LRP5: variants seen among roughly 807,000 people sequenced by gnomAD.
LRP5 encodes low-density lipoprotein receptor-related protein 5.
A neutral mutation model predicts 154.1 loss-of-function variants in LRP5; 62 were observed. The observed-to-expected ratio is 0.40, with a 90% CI of 0.33 to 0.50. The LOEUF is 0.50. LRP5 is among the 20% of genes least tolerant of loss of function. LRP5 has a pLI of 0.55. For synonymous variants in LRP5, 966 were observed against 1,011.5 expected (o/e 0.96, Z 0.85); for missense variants, 1,915 against 2,336.7 (o/e 0.82, Z 3.72).
chr11:68,394,950 G>A (rs545775397), intron 7 of LRP5, among the ~76,000 whole-genome samples: 1 of 152,316 alleles, frequency 6.6e-6, no homozygotes, highest in South Asian at 2.1e-4. Context: ...AAATGGGCCA[G>A]GGAGAGACAC....
At chr11:68,445,571 A>G in intron 21 of LRP5, 1 of 1,312,252 alleles carries the variant, frequency 7.6e-7, no homozygotes, top group Middle Eastern at 2.1e-4. Flanking sequence ...ATTATTCCGC[A>G]GGGGCTCGGA....
intron 17 of LRP5, among the ~76,000 whole-genome samples, chr11:68,431,651 C>T (rs1246063809): frequency 2.6e-5 from 4 of 152,196 alleles, no homozygotes; most frequent in Non-Finnish European, 4.4e-5. Context: ...TGGCCGTAAG[C>T]AGAGGGGACA....
rs371538397 is a variant in LRP5 at position 68,366,299 on chromosome 11, C to T, written c.1015+597C>T. ...GGGGGACAGGGCCTGCTTCCTGTGC[C>T]GGTGTCCCACTCGGGAGGGCAGGGG... On this transcript the variant is annotated intron_variant, in intron 5 of 22. Transcript: ENST00000294304. 7.9e-5 allele frequency among the ~76,000 whole-genome samples: 12 copies of T among 152,086 alleles called. No individual in the cohort carries two copies. The East Asian group carries it at 1.7e-3, about 22-fold the overall frequency.
intron 8 of LRP5, 77 bp downstream of exon 8, chr11:68,403,776 G>A (rs2098654026): frequency 6.4e-7 from 1 of 1,570,958 alleles, no homozygotes; most frequent in South Asian, 1.1e-5. Context: ...CCATGCCTGG[G>A]CATAAGTGTT....
intron 6 of LRP5, among the ~76,000 whole-genome samples, chr11:68,387,094 C>T (rs1234435886): frequency 2.0e-5 from 3 of 151,568 alleles, no homozygotes; most frequent in African/African-American, 7.3e-5. Flanking sequence ...ACACTGACCA[C>T]AGTACAGGCC....
Position 68,322,915 on chromosome 11 carries a change from C to T in LRP5, c.91+10110C>T, listed in dbSNP as rs143792686. Among the ~76,000 whole-genome samples, 398 of 152,320 alleles carry T rather than the reference C, an allele frequency of 2.6e-3. 3 individuals carry two copies. The highest frequency in any genetic ancestry group is 0.024 in the Middle Eastern group (7 of 294). ...CCCAAAGGGACTTGACTGTGAAGTCCCGGGTCCACGTGGTACCCACCAGCC... is the reference window on the plus strand; with the variant it reads ...CCCAAAGGGACTTGACTGTGAAGTCTCGGGTCCACGTGGTACCCACCAGCC... On this transcript the variant is annotated intron_variant, in intron 1 of 22. Transcript: ENST00000294304.
At chr11:68,306,781 A>AG in the LRP5 span, among the ~76,000 whole-genome samples, 1 of 152,224 alleles carries the variant, frequency 6.6e-6, no homozygotes, top group Non-Finnish European at 1.5e-5. Flanking sequence ...GGGCCTGCCC[A>AG]GGGCATTCTT....
At chr11:68,391,729 G>A (rs1034070156) in intron 7 of LRP5, among the ~76,000 whole-genome samples, 25 of 152,226 alleles carry the variant, frequency 1.6e-4, no homozygotes, top group Admixed American at 6.5e-4. Flanking sequence ...CCATGTTTGC[G>A]GGCCGCTGAG....
At chr11:68,374,421 C>G (rs2098636204) in intron 5 of LRP5, among the ~76,000 whole-genome samples, 1 of 152,210 alleles carries the variant, frequency 6.6e-6, no homozygotes, top group Admixed American at 6.5e-5. Context: ...CAGAAGGCAG[C>G]TGCTGTTCTC....
At position 68,353,801 on chromosome 11, in the gene LRP5, C is replaced by T. The variant is rs1591213740; in HGVS notation, c.489-3849C>T. On this transcript the variant is annotated intron_variant, in intron 2 of 22. Coordinates refer to ENST00000294304, the MANE Select transcript of LRP5 (RefSeq NM_002335.4). The surrounding 1 kb of genome is among the most constrained non-coding windows in gnomAD (Gnocchi z 4.5). ...GTCCGAGCGTCCACCTCAGTGTGCA[C>T]GTGGCCAAAAGGATCAAGAGCCCTG... Among the ~76,000 whole-genome samples, 5 of 152,174 alleles carry T rather than the reference C, an allele frequency of 3.3e-5. No homozygotes were observed. In the South Asian group the frequency reaches 1.0e-3, roughly 31 times the overall value.
In LRP5 at chr11:68,347,969, T is replaced by C; in HGVS notation, c.214T>C (p.Phe72Leu). ...GGATGCGGCCGCAGTGGACTTCCAG[T>C]TTTCCAAGGGAGCCGTGTACTGGAC... The part of the protein sequence containing the change: ...LEDAAAVDFQ[F>L]SKGAVYWTDV... The change falls in exon 2 of 23, where the codon TTT (phenylalanine) becomes CTT (leucine). Residue 72 changes from phenylalanine (F) to leucine (L), a missense_variant. By Grantham distance (22) the Phe-to-Leu change is conservative. Coordinates refer to ENST00000294304, the MANE Select transcript of LRP5 (RefSeq NM_002335.4). 6.2e-7 allele frequency: 1 copy of C among 1,614,016 alleles called. No individual in the cohort carries two copies. The highest frequency in any genetic ancestry group is 1.3e-5 in the African/African-American group (1 of 75,024).
At chr11:68,414,041 A>G (rs2098661170) in intron 12 of LRP5, 29 bp downstream of exon 12, 1 of 1,588,582 alleles carries the variant, frequency 6.3e-7, no homozygotes, top group Non-Finnish European at 8.5e-7. Context: ...CCCGCACCTC[A>G]CTCCCTCGTT....
chr11:68,321,444 T>C (rs2098596736), intron 1 of LRP5, among the ~76,000 whole-genome samples: 1 of 152,134 alleles, frequency 6.6e-6, no homozygotes, highest in African/African-American at 2.4e-5. Flanking sequence ...CTGGGGACGG[T>C]AAATGGTGAT....
At chr11:68,361,071 T>C (rs1467252113) in intron 3 of LRP5, among the ~76,000 whole-genome samples, 32 of 132,080 alleles carry the variant, frequency 2.4e-4, no homozygotes, top group African/African-American at 8.3e-4. Flanking sequence ...TTTGGGAGGC[T>C]GAGACGGGCG....
chr11:68,322,173 C>T (rs1322091117), intron 1 of LRP5, among the ~76,000 whole-genome samples: 1 of 151,852 alleles, frequency 6.6e-6, no homozygotes, highest in African/African-American at 2.4e-5. Context: ...CAGCTGGAGC[C>T]TCCGAGCTGA....
chr11:68,380,330 G>A (rs1457924923), intron 5 of LRP5, among the ~76,000 whole-genome samples: 1 of 152,210 alleles, frequency 6.6e-6, no homozygotes, highest in Non-Finnish European at 1.5e-5. Context: ...CATAAATGAA[G>A]TTTTGTTTGC....
At chr11:68,303,847 C>T in the LRP5 span, among the ~76,000 whole-genome samples, 4 of 152,290 alleles carry the variant, frequency 2.6e-5, no homozygotes, top group East Asian at 7.7e-4. Flanking sequence ...TTTGAATTCC[C>T]TATGCTCAAA....
chr11:68,386,363 A>C lies in LRP5; in HGVS notation c.1063A>C (p.Ile355Leu), dbSNP rs1211106680. 1.2e-6 allele frequency: 2 copies of C among 1,613,132 alleles called. No individual in the cohort carries two copies. Residue 355 changes from isoleucine to leucine, a missense_variant, in exon 6 of 23, where the codon ATC becomes CTC. Physicochemically the swap from Ile to Leu is conservative, Grantham distance 5. Coordinates refer to ENST00000294304, the MANE Select transcript of LRP5 (RefSeq NM_002335.4). The surrounding 1 kb of genome is among the most constrained non-coding windows in gnomAD (Gnocchi z 7.9). The part of the protein sequence containing the change: ...LLARRTDLRR[I>L]SLDTPDFTDI... ...GGCCCGGCGGACGGACCTACGGAGGATCTCGCTGGACACGCCGGACTTCAC... is the reference window on the plus strand; with the variant it reads ...GGCCCGGCGGACGGACCTACGGAGGCTCTCGCTGGACACGCCGGACTTCAC...
chr11:68,348,347 A>G, intron 2 of LRP5, 104 bp downstream of exon 2: 1 of 1,486,110 alleles, frequency 6.7e-7, no homozygotes, highest in South Asian at 1.2e-5. Flanking sequence ...AAAGGGTGTG[A>G]CTCTGAAAAT....
Sources: gnomAD v4.1 joint callset for allele counts (sites outside exome capture counted in the v4.1 genomes callset) on GRCh38, gnomAD v4.1.1 for gene constraint, Gnocchi (gnomAD v3.1) non-coding constraint, MANE v1.5 for transcripts, NCBI Gene and HGNC (gene_info 2026-07-23, HGNC 2026-07-21) for gene names.